SLC35F1: variants seen among roughly 807,000 people sequenced by gnomAD.
SLC35F1 encodes the protein solute carrier family 35 member F1.
Under a neutral mutation model 48.7 loss-of-function variants are expected in SLC35F1, and 14 were observed. The ratio of observed to expected loss-of-function variants is 0.29; its 90% CI spans 0.19 to 0.45. The LOEUF (loss-of-function observed/expected upper bound fraction) is 0.45. Among genes scored for constraint, SLC35F1 ranks in the 20% least tolerant of loss-of-function variants. SLC35F1 has a pLI of 1.00. For missense variants in SLC35F1, 404 were observed against 500.0 expected (o/e 0.81, Z 1.83); for synonymous variants, 190 against 202.2 (o/e 0.94, Z 0.51).
intron 6 of SLC35F1, among the ~76,000 whole-genome samples, chr6:118,282,890 G>A (rs769274798): frequency 2.4e-4 from 37 of 152,050 alleles, no homozygotes; most frequent in Non-Finnish European, 4.7e-4. Flanking sequence ...TTGTGACACC[G>A]CCATTCTAAC....
intron 1 of SLC35F1, among the ~76,000 whole-genome samples, chr6:118,123,593 G>A (rs972469508): frequency 3.9e-5 from 6 of 152,116 alleles, no homozygotes; most frequent in African/African-American, 1.4e-4. Context: ...GCCAATTTTG[G>A]ATGTGATGCA....
chr6:118,254,142 G>A (rs950746024), intron 3 of SLC35F1, among the ~76,000 whole-genome samples: 1 of 152,138 alleles, frequency 6.6e-6, no homozygotes, highest in Non-Finnish European at 1.5e-5. Flanking sequence ...GGAAAGAAAT[G>A]TGTGTTCATT....
At chr6:117,976,301 T>G (rs926561077) in intron 1 of SLC35F1, among the ~76,000 whole-genome samples, 5 of 152,214 alleles carry the variant, frequency 3.3e-5, no homozygotes, top group Admixed American at 3.3e-4. Flanking sequence ...ACCTCCAAGG[T>G]AAACCGGAGA....
chr6:118,265,646 T>A (rs999787827), intron 3 of SLC35F1, among the ~76,000 whole-genome samples: 2 of 152,156 alleles, frequency 1.3e-5, no homozygotes, highest in African/African-American at 4.8e-5. Context: ...TCAGTCTAGG[T>A]GGCAGAAGTG....
intron 1 of SLC35F1, among the ~76,000 whole-genome samples, chr6:118,007,263 A>G (rs906962050): frequency 1.3e-5 from 2 of 152,160 alleles, no homozygotes; most frequent in African/African-American, 4.8e-5. Flanking sequence ...CACTCCTGTG[A>G]TAACCTCTTA....
intron 1 of SLC35F1, among the ~76,000 whole-genome samples, chr6:118,129,227 T>C (rs1363950573): frequency 6.6e-6 from 1 of 152,114 alleles, no homozygotes; most frequent in Non-Finnish European, 1.5e-5. Flanking sequence ...GCAATAGCGA[T>C]AGTAGAGAAT....
intron 1 of SLC35F1, among the ~76,000 whole-genome samples, chr6:118,117,984 G>A (rs1370435332): frequency 6.6e-6 from 1 of 152,058 alleles, no homozygotes; most frequent in Non-Finnish European, 1.5e-5. Flanking sequence ...GTCACCTATT[G>A]AGGAAGATTC....
intron 1 of SLC35F1, among the ~76,000 whole-genome samples, chr6:118,082,236 C>T (rs1772922150): frequency 6.6e-6 from 1 of 152,112 alleles, no homozygotes; most frequent in African/African-American, 2.4e-5. Context: ...AACTCAGTCC[C>T]AGGTGAAACA....
chr6:117,991,117 T>C (rs1776914734), intron 1 of SLC35F1, among the ~76,000 whole-genome samples: 2 of 152,198 alleles, frequency 1.3e-5, no homozygotes, highest in Non-Finnish European at 2.9e-5. Flanking sequence ...GATCAAGATA[T>C]TCAAGGTCGT....
intron 2 of SLC35F1, among the ~76,000 whole-genome samples, chr6:118,198,198 G>C (rs987440077): frequency 3.3e-5 from 5 of 152,102 alleles, no homozygotes; most frequent in African/African-American, 1.2e-4. Context: ...CTTTGTTTTT[G>C]CAAGAATATT....
intron 2 of SLC35F1, among the ~76,000 whole-genome samples, chr6:118,158,676 G>C (rs971808875): frequency 3.3e-5 from 5 of 152,318 alleles, no homozygotes; most frequent in South Asian, 4.1e-4. Context: ...TGACTTCAAA[G>C]TCAAACTGAA....
chr6:117,967,704 T>C (rs112627311), intron 1 of SLC35F1, among the ~76,000 whole-genome samples: 3 of 152,216 alleles, frequency 2.0e-5, no homozygotes, highest in African/African-American at 7.2e-5. Flanking sequence ...AACAATCTTA[T>C]GCAATGAGTG....
chr6:118,139,860 A>C (rs953373595), intron 1 of SLC35F1, among the ~76,000 whole-genome samples: 2 of 152,216 alleles, frequency 1.3e-5, no homozygotes, highest in Non-Finnish European at 2.9e-5. Context: ...AAGGAGCATT[A>C]AATGGCTGTA....
rs113399612 is a variant in SLC35F1, at chr6:117,943,494, T to G, written c.173+35595T>G. ...ATTGAACAGTTGTTTTAATGCCTCTTGTTGAAGTGATGGACATTGATACCA... is the reference window on the plus strand; with the variant it reads ...ATTGAACAGTTGTTTTAATGCCTCTGGTTGAAGTGATGGACATTGATACCA... On this transcript the variant is annotated intron_variant, in intron 1 of 7. Coordinates refer to ENST00000360388, the MANE Select transcript of SLC35F1 (RefSeq NM_001029858.4). Among the ~76,000 whole-genome samples the G allele has an allele frequency of 7.2e-3, 1,092 of 152,342 alleles. 15 individuals are homozygous for G. Among genetic ancestry groups the G allele is most frequent in the African/African-American group, 0.025 (1,039 of 41,594 alleles).
At chr6:118,209,771 A>G (rs1278095797) in intron 2 of SLC35F1, among the ~76,000 whole-genome samples, 1 of 152,186 alleles carries the variant, frequency 6.6e-6, no homozygotes, top group Non-Finnish European at 1.5e-5. Context: ...ATTATCTTAA[A>G]TAATCTTCAG....
chr6:117,933,572 G>A (rs1325340915), intron 1 of SLC35F1, among the ~76,000 whole-genome samples: 2 of 151,952 alleles, frequency 1.3e-5, no homozygotes, highest in South Asian at 2.1e-4. Flanking sequence ...GGGCACCTTG[G>A]TTTATGAGAA....
intron 2 of SLC35F1, among the ~76,000 whole-genome samples, chr6:118,155,190 T>C (rs1368107430): frequency 6.6e-6 from 1 of 152,198 alleles, no homozygotes; most frequent in Non-Finnish European, 1.5e-5. Context: ...AAGAAAACCT[T>C]TTTTTAAGGG....
intron 1 of SLC35F1, among the ~76,000 whole-genome samples, chr6:118,012,947 T>A (rs1777269977): frequency 6.6e-6 from 1 of 152,138 alleles, no homozygotes; most frequent in Non-Finnish European, 1.5e-5. Flanking sequence ...AATTTGTTCA[T>A]GATTGCAGCA....
chr6:118,002,166 G>A (rs540308517), intron 1 of SLC35F1, among the ~76,000 whole-genome samples: 21 of 151,212 alleles, frequency 1.4e-4, no homozygotes, highest in African/African-American at 4.9e-4. Context: ...GTTTATTGCG[G>A]CACTATTCAC....
Sources: gnomAD v4.1 joint callset for allele counts (sites outside exome capture counted in the v4.1 genomes callset) on GRCh38, gnomAD v4.1.1 for gene constraint, MANE v1.5 for transcripts, NCBI Gene and HGNC (gene_info 2026-07-23, HGNC 2026-07-21) for gene names.